Variants in RNF180 observed in about 807,000 individuals in gnomAD.
RNF180 encodes the protein E3 ubiquitin-protein ligase RNF180.
In RNF180, 38 loss-of-function variants were observed where a neutral mutation model predicts 59.2. That is an observed-to-expected ratio of 0.64 (90% CI 0.50 to 0.84). RNF180 has a LOEUF of 0.84. Ranked by LOEUF, RNF180 falls within the 40% of genes least tolerant of loss-of-function variation. The probability of loss-of-function intolerance (pLI) is 0.00; values close to 1 mark genes in which losing one functional copy is unlikely to be tolerated. For missense variants in RNF180, 705 were observed against 700.9 expected, an observed-to-expected ratio of 1.01 and a Z score of -0.07; for synonymous variants, 262 against 240.3, an observed-to-expected ratio of 1.09 and a Z score of -0.84.
rs145652777 is a variant in RNF180 at position 64,321,275 on chromosome 5, C to T, written c.1228-3911C>T. ...ACATGATTCTATATTTAGAAATCCC[C>T]ATAGTCTCAGCCCAAAACCTCCTTA... On this transcript the variant is annotated intron_variant, in intron 5 of 7. Coordinates refer to ENST00000389100, the MANE Select transcript of RNF180 (RefSeq NM_001113561.2). 6.5e-3 allele frequency among the ~76,000 whole-genome samples: 987 copies of T among 152,200 alleles called. 16 individuals are homozygous for T. The highest frequency in any genetic ancestry group is 6.2e-3 in the Non-Finnish European group (423 of 68,002).
intron 1 of RNF180, among the ~76,000 whole-genome samples, chr5:64,198,035 A>C (rs1338546727): frequency 6.6e-6 from 1 of 152,200 alleles, no homozygotes; most frequent in Non-Finnish European, 1.5e-5. Context: ...GAGGTCTAGA[A>C]AAAGGTTATC....
intron 5 of RNF180, among the ~76,000 whole-genome samples, chr5:64,295,432 G>T (rs1742834225): frequency 6.6e-6 from 1 of 152,198 alleles, no homozygotes; most frequent in Non-Finnish European, 1.5e-5. Flanking sequence ...ATGAGGAGAT[G>T]GGCCTCAGAA....
chr5:64,263,310 AC>A (rs1279628392), intron 5 of RNF180, among the ~76,000 whole-genome samples: 2 of 152,100 alleles, frequency 1.3e-5, no homozygotes, highest in Non-Finnish European at 2.9e-5. Context: ...CCAATTTGTA[AC>A]ACTTGCCGGT....
At chr5:64,250,279 A>G (rs1743483027) in intron 5 of RNF180, among the ~76,000 whole-genome samples, 1 of 152,122 alleles carries the variant, frequency 6.6e-6, no homozygotes, top group Non-Finnish European at 1.5e-5. Flanking sequence ...AGCAAAAGCC[A>G]TTATAAGAGG....
intron 5 of RNF180, among the ~76,000 whole-genome samples, chr5:64,286,365 T>C (rs1276784684): frequency 6.6e-6 from 1 of 152,188 alleles, no homozygotes; most frequent in African/African-American, 2.4e-5. Context: ...AGCACATAGT[T>C]ACCAGAAGAC....
chr5:64,294,048 A>G (rs529607371), intron 5 of RNF180, among the ~76,000 whole-genome samples: 1 of 152,340 alleles, frequency 6.6e-6, no homozygotes, highest in African/African-American at 2.4e-5. Context: ...AATGACCTGC[A>G]GGAATCAAGT....
chr5:64,173,717 C>CA (rs367877811), intron 1 of RNF180, among the ~76,000 whole-genome samples: 1 of 140,066 alleles, frequency 7.1e-6, no homozygotes. Context: ...ATAGCATCAA[C>CA]TTTTTTTTTT....
At chr5:64,326,641 A>G (rs569446754) in intron 6 of RNF180, among the ~76,000 whole-genome samples, 1 of 152,220 alleles carries the variant, frequency 6.6e-6, no homozygotes, top group East Asian at 1.9e-4. Context: ...AATTTATCGA[A>G]CCATCCTTGC....
intron 5 of RNF180, among the ~76,000 whole-genome samples, chr5:64,316,347 A>C (rs1372930931): frequency 6.6e-6 from 1 of 152,190 alleles, no homozygotes; most frequent in Non-Finnish European, 1.5e-5. Flanking sequence ...CAAATACCCT[A>C]TCATTTTATT....
In RNF180 at chr5:64,269,401, G is replaced by A. The variant is rs549300960; in HGVS notation, c.1227+52005G>A. Among the ~76,000 whole-genome samples, 25 of 152,264 alleles carry A rather than the reference G, an allele frequency of 1.6e-4. No homozygotes were observed. In the South Asian group the frequency reaches 3.1e-3, roughly 19 times the overall value. ...AGTTTTGCTCTCCCTAACATTTCCC[G>A]TGATAGCTTTGTCATTGCCAGCAGC... On this transcript the variant is annotated intron_variant, in intron 5 of 7. Coordinates refer to ENST00000389100, the MANE Select transcript of RNF180 (RefSeq NM_001113561.2).
intron 1 of RNF180, among the ~76,000 whole-genome samples, chr5:64,180,075 G>A (rs1468236968): frequency 6.6e-6 from 1 of 152,028 alleles, no homozygotes; most frequent in Non-Finnish European, 1.5e-5. Flanking sequence ...TTTTTCTGCT[G>A]GATAATTTTC....
At chr5:64,364,124 A>G (rs1242652115) in intron 7 of RNF180, among the ~76,000 whole-genome samples, 2 of 151,550 alleles carry the variant, frequency 1.3e-5, no homozygotes, top group African/African-American at 4.8e-5. Flanking sequence ...AATGCTTGTC[A>G]AATAAGAGTG....
chr5:64,177,948 G>C (rs1231708937), intron 1 of RNF180, among the ~76,000 whole-genome samples: 1 of 152,126 alleles, frequency 6.6e-6, no homozygotes, highest in Admixed American at 6.5e-5. Context: ...GCTCACGCCT[G>C]TAATCCCAGC....
In RNF180 at chr5:64,369,642, C is replaced by G. The variant is rs1013703271; in HGVS notation, c.1607C>G (p.Thr536Arg). The change falls in exon 8 of 8, where the codon ACA becomes AGA. Residue 536 changes from threonine to arginine, a missense_variant. Coordinates refer to ENST00000389100, the MANE Select transcript of RNF180 (RefSeq NM_001113561.2). ...GGFRRHAAPV[T>R]RRQFPHGAHR... ...TTCCGCAGACATGCAGCTCCAGTTA[C>G]AAGAAGGCAGTTCCCACACGGTGCA... is the stretch of plus-strand genomic sequence containing the variant. The G allele has an allele frequency of 2.2e-5, 34 of 1,525,450 alleles. No individual in the cohort carries two copies. Among genetic ancestry groups the G allele is most frequent in the Non-Finnish European group, 2.9e-5 (33 of 1,138,444 alleles). The allele number at this position is 1,525,450 out of a possible 1,614,324, so 94.5% of individuals were successfully genotyped here.
chr5:64,316,616 G>A (rs1404438079), intron 5 of RNF180, among the ~76,000 whole-genome samples: 2 of 152,120 alleles, frequency 1.3e-5, no homozygotes, highest in Non-Finnish European at 2.9e-5. Flanking sequence ...ACAGATACAA[G>A]ACTTTGGATA....
At chr5:64,177,564 T>TATATA (rs1183807512) in intron 1 of RNF180, among the ~76,000 whole-genome samples, 1 of 134,508 alleles carries the variant, frequency 7.4e-6, no homozygotes, top group African/African-American at 2.8e-5. Flanking sequence ...TATATATATA[T>TATATA]ATGTATTTAT....
intron 6 of RNF180, among the ~76,000 whole-genome samples, chr5:64,329,779 C>T (rs1463961333): frequency 6.6e-6 from 1 of 152,152 alleles, no homozygotes; most frequent in African/African-American, 2.4e-5. Flanking sequence ...ACCTGTATTC[C>T]TTGCATGCGC....
intron 7 of RNF180, among the ~76,000 whole-genome samples, chr5:64,342,810 T>C (rs1180144286): frequency 6.6e-6 from 1 of 152,118 alleles, no homozygotes; most frequent in Admixed American, 6.6e-5. Flanking sequence ...ACTAAAAATT[T>C]TCTGCAGTCC....
chr5:64,369,896 G>A lies in RNF180; in HGVS notation c.*82G>A. The stretch of plus-strand genomic sequence containing the variant: ...TAAACATTTTTAAATGTGCTTTGAA[G>A]TTTTTTTAATGTTGCATTATACAAA... On this transcript the variant is annotated 3_prime_UTR_variant, in exon 8 of 8. Coordinates refer to ENST00000389100, the MANE Select transcript of RNF180 (RefSeq NM_001113561.2). 1 of 778,778 alleles carries A rather than the reference G, an allele frequency of 1.3e-6. No homozygotes were observed. Among genetic ancestry groups the A allele is most frequent in the East Asian group, 3.0e-5 (1 of 32,910 alleles). 48.2% of individuals were successfully genotyped at this position (778,778 alleles called of 1,614,324 possible). A position where few individuals can be genotyped will look rare whatever the true frequency, so the allele number is the denominator to read the frequency against.
Sources: gnomAD v4.1 joint callset for allele counts (sites outside exome capture counted in the v4.1 genomes callset) on GRCh38, gnomAD v4.1.1 for gene constraint, MANE v1.5 for transcripts, NCBI Gene and HGNC (gene_info 2026-07-23, HGNC 2026-07-21) for gene names.